Variants in OR11L1 observed in about 807,000 individuals in gnomAD.
OR11L1 encodes the protein olfactory receptor 11L1.
For missense variants in OR11L1, 397 were observed against 392.7 expected (o/e 1.01, Z -0.09); for synonymous variants, 164 against 159.1 (o/e 1.03, Z -0.23).
In OR11L1 at chr1:247,841,445, G is replaced by T; in HGVS notation, c.452C>A (p.Thr151Lys). 6.2e-7 allele frequency: 1 copy of T among 1,614,148 alleles called. No homozygotes were observed. The highest frequency in any genetic ancestry group is 8.5e-7 in the Non-Finnish European group (1 of 1,180,012). ...CARLVVVSWC[T>K]GVSTGFLPSL... Reference sequence around the variant, plus strand: ...AGGCAGAAAGCCTGTGCTGACCCCTGTGCACCAGGAGACCACCACCAACCT... The same window carrying T: ...AGGCAGAAAGCCTGTGCTGACCCCTTTGCACCAGGAGACCACCACCAACCT... The change falls in exon 1 of 1, where the codon ACA (threonine) becomes AAA (lysine). Residue 151 changes from threonine to lysine, a missense_variant. Transcript: ENST00000355784.
Position 247,841,436 on chromosome 1 carries a change from C to T in OR11L1, c.461G>A (p.Ser154Asn). 1.2e-6 allele frequency: 2 copies of T among 1,614,176 alleles called. No individual in the cohort carries two copies. The highest frequency in any genetic ancestry group is 1.7e-6 in the Non-Finnish European group (2 of 1,180,012). Residue 154 changes from serine (S) to asparagine (N), a missense_variant, in exon 1 of 1, where the codon AGC becomes AAC. By Grantham distance (46) the Ser-to-Asn change is conservative. Transcript: ENST00000355784. The part of the protein sequence containing the change: ...LVVVSWCTGV[S>N]TGFLPSLMIS... ...CATCAGGGAAGGCAGAAAGCCTGTG[C>T]TGACCCCTGTGCACCAGGAGACCAC...
rs1482034222 is a variant in OR11L1 at position 247,841,389 on chromosome 1, C to T, written c.508G>A (p.Gly170Arg). Residue 170 changes from glycine to arginine, a missense_variant, in exon 1 of 1, where the codon GGG becomes AGG. Coordinates refer to ENST00000355784, the MANE Select transcript of OR11L1 (RefSeq NM_001001959.1). ...SLMISRLDFC[G>R]RNQINHFFCD... The stretch of plus-strand genomic sequence containing the variant: ...AAGAAATGGTTAATCTGATTGCGCC[C>T]ACAGAAGTCCAACCTGGAAATCATC... 6.8e-6 allele frequency: 11 copies of T among 1,614,066 alleles called. No homozygotes were observed. The highest frequency in any genetic ancestry group is 9.3e-6 in the Non-Finnish European group (11 of 1,180,030).
rs770726442 is a variant in OR11L1 at position 247,841,538 on chromosome 1, T to C, written c.359A>G (p.Tyr120Cys). 1.2e-6 allele frequency: 2 copies of C among 1,613,842 alleles called. No homozygotes were observed. Among genetic ancestry groups the C allele is most frequent in the African/African-American group, 1.3e-5 (1 of 74,952 alleles). ...GCTGCAGATGGCCAGGTAACGGTCA[T>C]AGGCCATGAAGGCCAGGAGAAAGCA... Reference protein sequence around the residue: ...TECFLLAFMAYDRYLAICSPL... With the variant: ...TECFLLAFMACDRYLAICSPL... The change falls in exon 1 of 1, where the codon TAT becomes TGT. Residue 120 changes from tyrosine (Y) to cysteine (C), a missense_variant. Transcript: ENST00000355784.
At position 247,841,379 on chromosome 1, in the gene OR11L1, T is replaced by C; in HGVS notation, c.518A>G (p.Gln173Arg). 6.2e-7 allele frequency: 1 copy of C among 1,614,150 alleles called. No individual in the cohort carries two copies. The highest frequency in any genetic ancestry group is 8.5e-7 in the Non-Finnish European group (1 of 1,180,012). Residue 173 changes from glutamine to arginine, a missense_variant, in exon 1 of 1, where the codon CAG (glutamine) becomes CGG (arginine). Coordinates refer to ENST00000355784, the MANE Select transcript of OR11L1 (RefSeq NM_001001959.1). ...GAGGTCGCAGAAGAAATGGTTAATC[T>C]GATTGCGCCCACAGAAGTCCAACCT... ...ISRLDFCGRN[Q>R]INHFFCDLPP...
At position 247,841,887 on chromosome 1, in the gene OR11L1, G is replaced by C. The variant is rs202099060; in HGVS notation, c.10C>G (p.Gln4Glu). 212 of 1,611,404 alleles carry C rather than the reference G, an allele frequency of 1.3e-4. 1 individual carries two copies. The East Asian group carries it at 1.4e-3, about 11-fold the overall frequency. The change falls in exon 1 of 1, where the codon CAA becomes GAA. Residue 4 changes from glutamine to glutamate, a missense_variant. Coordinates refer to ENST00000355784, the MANE Select transcript of OR11L1 (RefSeq NM_001001959.1). ...AAGTTAGTCACAGTGGAGGTATTTT[G>C]GGGCTCCATTGCCTGTGGGGGATGA... is the stretch of plus-strand genomic sequence containing the variant. MEP[Q>E]NTSTVTNFQL...
rs201677584 is a variant in OR11L1, at chr1:247,841,141, G to T, written c.756C>A (p.Tyr252Ter). The change falls in exon 1 of 1, where the codon TAC (tyrosine) becomes TAA (stop). Residue 252 changes from tyrosine (Y) to a stop codon, truncating the protein, a stop_gained. Transcript: ENST00000355784. LOFTEE classifies it low-confidence loss of function (END_TRUNC). ...ACACATACATGGAGATCATGGTCCC[G>T]TAGTAGAGAGTGACAACAGCCAGGT... Reference protein sequence around the residue: ...GSHLAVVTLYYGTMISMYVCP... With the variant: ...GSHLAVVTLY 3.1e-6 allele frequency: 5 copies of T among 1,613,990 alleles called. No homozygotes were observed. Among genetic ancestry groups the T allele is most frequent in the Non-Finnish European group, 3.4e-6 (4 of 1,179,994 alleles).
chr1:247,841,197 G>A lies in OR11L1; in HGVS notation c.700C>T (p.Arg234Trp), dbSNP rs147783465. The change falls in exon 1 of 1, where the codon CGG (arginine) becomes TGG (tryptophan). Residue 234 changes from arginine to tryptophan, a missense_variant. Physicochemically the swap from Arg to Trp is moderately radical, Grantham distance 101. Coordinates refer to ENST00000355784, the MANE Select transcript of OR11L1 (RefSeq NM_001001959.1). Reference sequence around the variant, plus strand: ...CCACATGTGGAAAAGGTCTTTCTCCGGCCAGAGGTGGAAGGGATTCTCAAT... The same window carrying A: ...CCACATGTGGAAAAGGTCTTTCTCCAGCCAGAGGTGGAAGGGATTCTCAAT... ...SILRIPSTSGRRKTFSTCGSH... is the reference protein window; with the variant it reads ...SILRIPSTSGWRKTFSTCGSH... The A allele has an allele frequency of 1.1e-4, 180 of 1,614,128 alleles. No homozygotes were observed. In the African/African-American group the frequency reaches 1.8e-3, roughly 16 times the overall value.
Position 247,841,574 on chromosome 1 carries a change from C to T in OR11L1, c.323G>A (p.Gly108Asp), listed in dbSNP as rs140921021. 2.4e-3 allele frequency: 3,843 copies of T among 1,613,760 alleles called. 8 individuals carry two copies. Among genetic ancestry groups the T allele is most frequent in the Middle Eastern group, 3.0e-3 (18 of 6,062 alleles). ...MAQLYFFVFL[G>D]ATECFLLAFM... ...GGCCAGGAGAAAGCACTCGGTGGCG[C>T]CGAGGAATACGAAGAAGTAGAGCTG... The change falls in exon 1 of 1, where the codon GGC becomes GAC. Residue 108 changes from glycine (G) to aspartate (D), a missense_variant. Transcript: ENST00000355784.
rs754347539 is a variant in OR11L1, at chr1:247,841,444, T to C, written c.453A>G (p.Thr151=). The C allele has an allele frequency of 9.3e-6, 15 of 1,614,018 alleles. No individual in the cohort carries two copies. The African/African-American group carries it at 2.0e-4, about 22-fold the overall frequency. ...CARLVVVSWC[T]GVSTGFLPSL... is the part of the protein sequence containing the mutation. ...AAGGCAGAAAGCCTGTGCTGACCCC[T>C]GTGCACCAGGAGACCACCACCAACC... The change falls in exon 1 of 1, where the codon ACA becomes ACG. Residue 151 remains threonine, a synonymous_variant. Coordinates refer to ENST00000355784, the MANE Select transcript of OR11L1 (RefSeq NM_001001959.1).
At position 247,841,440 on chromosome 1, in the gene OR11L1, C is replaced by A. The variant is rs1663256917; in HGVS notation, c.457G>T (p.Val153Phe). 1 of 1,613,986 alleles carries A rather than the reference C, an allele frequency of 6.2e-7. No homozygotes were observed. Among genetic ancestry groups the A allele is most frequent in the Non-Finnish European group, 8.5e-7 (1 of 1,179,874 alleles). The stretch of plus-strand genomic sequence containing the variant: ...AGGGAAGGCAGAAAGCCTGTGCTGA[C>A]CCCTGTGCACCAGGAGACCACCACC... ...RLVVVSWCTG[V>F]STGFLPSLMI... Residue 153 changes from valine (V) to phenylalanine (F), a missense_variant, in exon 1 of 1, where the codon GTC becomes TTC. Val to Phe is a conservative substitution (Grantham distance 50, BLOSUM62 -1). Transcript: ENST00000355784.
At position 247,841,453 on chromosome 1, in the gene OR11L1, G is replaced by A; in HGVS notation, c.444C>T (p.Ser148=). ...AGCCTGTGCTGACCCCTGTGCACCA[G>A]GAGACCACCACCAACCTGGCACAGA... ...RGLCARLVVV[S]WCTGVSTGFL... The change falls in exon 1 of 1, where the codon TCC becomes TCT. Residue 148 remains serine, a synonymous_variant. Transcript: ENST00000355784. The A allele has an allele frequency of 6.2e-7, 1 of 1,614,150 alleles. No homozygotes were observed. The highest frequency in any genetic ancestry group is 8.5e-7 in the Non-Finnish European group (1 of 1,180,002).
In OR11L1 at chr1:247,841,503, A is replaced by G. The variant is rs754153475; in HGVS notation, c.394T>C (p.Tyr132His). ...RYLAICSPLR[Y>H]PFLMHRGLCA... The stretch of plus-strand genomic sequence containing the variant: ...AGCCCACGATGCATGAGGAAGGGGT[A>G]GCGGAGTGGGCTGCAGATGGCCAGG... Residue 132 changes from tyrosine (Y) to histidine (H), a missense_variant, in exon 1 of 1, where the codon TAC becomes CAC. Tyr to His is a moderately conservative substitution (Grantham distance 83). Coordinates refer to ENST00000355784, the MANE Select transcript of OR11L1 (RefSeq NM_001001959.1). The G allele has an allele frequency of 6.2e-7, 1 of 1,614,164 alleles. No homozygotes were observed. Among genetic ancestry groups the G allele is most frequent in the Non-Finnish European group, 8.5e-7 (1 of 1,180,018 alleles).
Sources: gnomAD v4.1 joint callset for allele counts on GRCh38, gnomAD v4.1.1 for gene constraint, MANE v1.5 for transcripts, NCBI Gene and HGNC (gene_info 2026-07-23, HGNC 2026-07-21) for gene names.